The following ASAP1 variants were observed in gnomAD, a reference collection of about 807,000 sequenced individuals.
ASAP1 encodes arf-GAP with SH3 domain, ANK repeat and PH domain-containing protein 1.
Under a neutral mutation model 145.2 loss-of-function variants are expected in ASAP1, and 43 were observed. The ratio of observed to expected loss-of-function variants is 0.30; its 90% CI spans 0.23 to 0.38. The LOEUF (loss-of-function observed/expected upper bound fraction) is 0.38, where lower values mean the gene tolerates loss of function less well. ASAP1 is among the 10% of genes least tolerant of loss of function. The pLI is 1.00. For missense variants in ASAP1, 1,018 were observed against 1,355.3 expected (o/e 0.75, Z 3.91); for synonymous variants, 546 against 515.5 (o/e 1.06, Z -0.80).
At chr8:130,282,685 C>T (rs1821325131) in intron 3 of ASAP1, among the ~76,000 whole-genome samples, 1 of 152,190 alleles carries the variant, frequency 6.6e-6, no homozygotes, top group Non-Finnish European at 1.5e-5. Flanking sequence ...AAAGTATCCA[C>T]ATTATTGGGG....
chr8:130,363,181 T>C (rs1826796780), intron 2 of ASAP1, among the ~76,000 whole-genome samples: 1 of 152,156 alleles, frequency 6.6e-6, no homozygotes, highest in African/African-American at 2.4e-5. Context: ...AAGTAGACAA[T>C]TATTTTTCCG....
At chr8:130,220,099 A>T (rs1817201396) in intron 4 of ASAP1, among the ~76,000 whole-genome samples, 1 of 152,194 alleles carries the variant, frequency 6.6e-6, no homozygotes, top group Non-Finnish European at 1.5e-5. Context: ...CTGCAAGATA[A>T]TTCTAACAGC....
At chr8:130,229,022 T>C (rs1464786881) in intron 4 of ASAP1, among the ~76,000 whole-genome samples, 1 of 152,158 alleles carries the variant, frequency 6.6e-6, no homozygotes, top group Non-Finnish European at 1.5e-5. Flanking sequence ...AGAATATCCT[T>C]CTGTTGTCTG....
At chr8:130,183,513 G>A (rs544289459) in intron 7 of ASAP1, among the ~76,000 whole-genome samples, 1 of 151,856 alleles carries the variant, frequency 6.6e-6, no homozygotes, top group African/African-American at 2.4e-5. Context: ...GCTAATTTTT[G>A]TATTTTTTAG....
At chr8:130,430,798 G>C (rs1402073883) in intron 1 of ASAP1, among the ~76,000 whole-genome samples, 1 of 152,222 alleles carries the variant, frequency 6.6e-6, no homozygotes, top group Non-Finnish European at 1.5e-5. Context: ...GAAAGACAAT[G>C]AGTGACAGGC....
At chr8:130,077,522 TTGCTGC>T (rs1231539012) in intron 26 of ASAP1, among the ~76,000 whole-genome samples, 1 of 146,944 alleles carries the variant, frequency 6.8e-6, no homozygotes, top group Admixed American at 6.9e-5. Context: ...TAAGAGTTGG[TTGCTGC>T]TGCTGCTGCT....
At chr8:130,305,971 C>T (rs1268696763) in intron 3 of ASAP1, among the ~76,000 whole-genome samples, 2 of 152,190 alleles carry the variant, frequency 1.3e-5, no homozygotes, top group Non-Finnish European at 2.9e-5. Context: ...ACAATATTCA[C>T]TCAATGTCCC....
intron 1 of ASAP1, among the ~76,000 whole-genome samples, chr8:130,440,080 G>T (rs1458875527): frequency 6.6e-6 from 1 of 152,064 alleles, no homozygotes; most frequent in East Asian, 1.9e-4. Flanking sequence ...TCTATCACCA[G>T]ATCTCATCAA....
chr8:130,120,095 C>T (rs1248980031), intron 18 of ASAP1, among the ~76,000 whole-genome samples: 1 of 152,178 alleles, frequency 6.6e-6, no homozygotes, highest in Non-Finnish European at 1.5e-5. Context: ...CTTTTCTCAA[C>T]CCTGTGCAGT....
At chr8:130,172,457 C>T (rs887552120) in intron 9 of ASAP1, among the ~76,000 whole-genome samples, 8 of 152,052 alleles carry the variant, frequency 5.3e-5, no homozygotes, top group Non-Finnish European at 8.8e-5. Flanking sequence ...TAAGAGAACA[C>T]TAATTAAATC....
chr8:130,180,485 C>T (rs938893593), intron 8 of ASAP1, among the ~76,000 whole-genome samples: 2 of 152,204 alleles, frequency 1.3e-5, no homozygotes, highest in African/African-American at 2.4e-5. Flanking sequence ...CTCCCACAAC[C>T]ACTCACAAGC....
intron 2 of ASAP1, among the ~76,000 whole-genome samples, chr8:130,381,748 T>C (rs1364779862): frequency 6.6e-6 from 1 of 152,154 alleles, no homozygotes; most frequent in Non-Finnish European, 1.5e-5. Flanking sequence ...ACCTTTGTCC[T>C]CTCTTCTCAC....
In ASAP1 at chr8:130,274,672, T is replaced by C. The variant is rs188041661; in HGVS notation, c.187-37678A>G. 2.5e-3 allele frequency among the ~76,000 whole-genome samples: 378 copies of C among 152,354 alleles called. 8 individuals carry two copies. Among genetic ancestry groups the C allele is most frequent in the Admixed American group, 0.023 (351 of 15,296 alleles). ...TAATATTTCATTCAAGTCCGAGTGA[T>C]CAACAGAAGTTCACTTCCTTGGAAG... On this transcript the variant is annotated intron_variant, in intron 3 of 29. Transcript: ENST00000518721.
At chr8:130,141,640 C>G (rs1033489963) in intron 13 of ASAP1, among the ~76,000 whole-genome samples, 2 of 152,166 alleles carry the variant, frequency 1.3e-5, no homozygotes, top group African/African-American at 4.8e-5. Flanking sequence ...CTTGACCTCC[C>G]AGGCGAAGTG....
At chr8:130,319,235 G>A (rs1823855678) in intron 3 of ASAP1, among the ~76,000 whole-genome samples, 3 of 152,078 alleles carry the variant, frequency 2.0e-5, no homozygotes, top group Admixed American at 2.0e-4. Flanking sequence ...CTGTTGCATT[G>A]GATCACATAG....
chr8:130,227,776 T>C (rs1047039181), intron 4 of ASAP1, among the ~76,000 whole-genome samples: 2 of 152,034 alleles, frequency 1.3e-5, no homozygotes, highest in Admixed American at 6.6e-5. Context: ...GACTGAAATA[T>C]TCTGCTTTGT....
intron 3 of ASAP1, among the ~76,000 whole-genome samples, chr8:130,333,828 T>C (rs930746378): frequency 6.6e-6 from 1 of 152,186 alleles, no homozygotes; most frequent in Non-Finnish European, 1.5e-5. Context: ...ACAAGCAGCA[T>C]GCAGAATGGA....
At chr8:130,064,861 A>T (rs1484099794) in intron 27 of ASAP1, among the ~76,000 whole-genome samples, 3 of 151,056 alleles carry the variant, frequency 2.0e-5, no homozygotes, top group Admixed American at 6.6e-5. Flanking sequence ...AACTCAAAGA[A>T]ACACTTACCT....
chr8:130,347,738 C>T (rs1825780835), intron 3 of ASAP1, among the ~76,000 whole-genome samples: 1 of 152,316 alleles, frequency 6.6e-6, no homozygotes, highest in East Asian at 1.9e-4. Flanking sequence ...CAGATATCCT[C>T]GCCTCAGAAT....
Sources: allele counts gnomAD v4.1 joint callset (sites outside exome capture counted in the v4.1 genomes callset), GRCh38; gene constraint gnomAD v4.1.1; transcripts MANE v1.5; gene names NCBI Gene and HGNC (gene_info 2026-07-23, HGNC 2026-07-21).